The following ZMYM4 variants were observed in gnomAD, a reference collection of about 807,000 sequenced individuals.
ZMYM4 encodes the protein zinc finger MYM-type containing 4.
In ZMYM4, 31 loss-of-function variants were observed where a neutral mutation model predicts 183.2. That is an observed-to-expected ratio of 0.17 (90% confidence interval 0.13 to 0.23). The LOEUF (loss-of-function observed/expected upper bound fraction) is 0.23, where lower values mean the gene tolerates loss of function less well. ZMYM4 is among the 10% of genes least tolerant of loss of function. ZMYM4 has a pLI of 1.00. For synonymous variants in ZMYM4, 592 were observed against 631.2 expected, an observed-to-expected ratio of 0.94 and a Z score of 0.93; for missense variants, 1,273 against 1,840.3, an observed-to-expected ratio of 0.69 and a Z score of 5.64.
intron 2 of ZMYM4, chr1:35,350,902 G>T (rs1429611934): frequency 1.6e-6 from 1 of 629,782 alleles, no homozygotes; most frequent in Non-Finnish European, 2.9e-6. Flanking sequence ...GATATCATTT[G>T]TCAGATTGCT....
chr1:35,348,175 G>A (rs1404842086), intron 2 of ZMYM4, among the ~76,000 whole-genome samples: 1 of 152,158 alleles, frequency 6.6e-6, no homozygotes, highest in Non-Finnish European at 1.5e-5. Context: ...AAGCCTTAGT[G>A]CGTAAGTTGA....
intron 1 of ZMYM4, chr1:35,309,099 A>ACTAAATATG: frequency 1.1e-6 from 1 of 939,498 alleles, no homozygotes; most frequent in Middle Eastern, 5.5e-4. Flanking sequence ...TGCCTTCCTG[A>ACTAAATATG]CTAAATATGG....
chr1:35,396,546 T>C lies in ZMYM4; in HGVS notation c.2912-6T>C. ...CTTTTTGTGATTTTGTTGTTGTTAC[T>C]GTTAGAAGACACTCCAAGTCAGCCC... On this transcript the variant is annotated splice_polypyrimidine_tract_variant and splice_region_variant and intron_variant, in intron 18 of 29. Transcript: ENST00000314607. The C allele has an allele frequency of 6.2e-7, 1 of 1,612,806 alleles. No homozygotes were observed. The highest frequency in any genetic ancestry group is 8.5e-7 in the Non-Finnish European group (1 of 1,179,446).
At chr1:35,282,853 G>C (rs944656553) in intron 1 of ZMYM4, among the ~76,000 whole-genome samples, 6 of 151,988 alleles carry the variant, frequency 3.9e-5, no homozygotes, top group African/African-American at 1.5e-4. Flanking sequence ...ACCATGCCCA[G>C]CCTGTGTTTA....
chr1:35,328,911 A>G (rs1642619413), intron 2 of ZMYM4, among the ~76,000 whole-genome samples: 1 of 152,130 alleles, frequency 6.6e-6, no homozygotes, highest in Admixed American at 6.5e-5. Context: ...ATCTCAGGGA[A>G]CTGTCTCAAA....
At chr1:35,407,156 G>A (rs957605945) in intron 25 of ZMYM4, among the ~76,000 whole-genome samples, 2 of 152,206 alleles carry the variant, frequency 1.3e-5, no homozygotes, top group South Asian at 2.1e-4. Flanking sequence ...ACAGCTGGTC[G>A]GGTGTAGTGG....
At chr1:35,298,016 G>C (rs561118729) in intron 1 of ZMYM4, among the ~76,000 whole-genome samples, 1 of 152,334 alleles carries the variant, frequency 6.6e-6, no homozygotes, top group South Asian at 2.1e-4. Context: ...TAACAGTAGA[G>C]GGAGCGGCCA....
intron 10 of ZMYM4, 91 bp downstream of exon 10, chr1:35,385,683 A>G: frequency 7.2e-7 from 1 of 1,391,590 alleles, no homozygotes; most frequent in Non-Finnish European, 9.6e-7. Flanking sequence ...TTGATTTTTA[A>G]GGCACATTTA....
At chr1:35,323,819 G>A (rs753682870) in intron 1 of ZMYM4, among the ~76,000 whole-genome samples, 2 of 151,924 alleles carry the variant, frequency 1.3e-5, no homozygotes, top group Non-Finnish European at 2.9e-5. Context: ...CTCCCAAAGT[G>A]CTGGGATTAC....
intron 2 of ZMYM4, among the ~76,000 whole-genome samples, chr1:35,340,354 G>A (rs976493465): frequency 3.3e-5 from 5 of 152,212 alleles, no homozygotes; most frequent in African/African-American, 7.2e-5. Flanking sequence ...GGACCCAGGC[G>A]TCAGAGGGAG....
intron 3 of ZMYM4, 23 bp from the exon 4 acceptor site, chr1:35,361,171 T>TC (rs1643928122): frequency 1.3e-6 from 2 of 1,554,460 alleles, no homozygotes; most frequent in African/African-American, 2.8e-5. Flanking sequence ...TGTGTTTGTT[T>TC]GTTTTTTTTT....
intron 23 of ZMYM4, among the ~76,000 whole-genome samples, chr1:35,402,188 A>G (rs908091452): frequency 2.0e-5 from 3 of 151,898 alleles, no homozygotes; most frequent in African/African-American, 7.3e-5. Context: ...GAGAGAATTG[A>G]CATTTTAGGA....
intron 1 of ZMYM4, among the ~76,000 whole-genome samples, chr1:35,279,593 CT>C (rs1055865654): frequency 6.6e-6 from 1 of 152,148 alleles, no homozygotes; most frequent in African/African-American, 2.4e-5. Flanking sequence ...TCGTTGTTTC[CT>C]TTTGCTTAAA....
Position 35,359,987 on chromosome 1 carries a change from A to G in ZMYM4, c.607+541A>G, listed in dbSNP as rs563055068. 5.9e-5 allele frequency among the ~76,000 whole-genome samples: 9 copies of G among 151,982 alleles called. No individual in the cohort carries two copies. The East Asian group carries it at 1.3e-3, about 23-fold the overall frequency. On this transcript the variant is annotated intron_variant, in intron 3 of 29. Transcript: ENST00000314607. ...TGAGCCTCTTTGCCCAGTGTACCCT[A>G]TACTTTAGCTTTAGTTAACATTCTT...
chr1:35,374,932 T>G (rs975996083), intron 7 of ZMYM4, among the ~76,000 whole-genome samples: 4 of 152,224 alleles, frequency 2.6e-5, no homozygotes, highest in Non-Finnish European at 5.9e-5. Flanking sequence ...CTTGATCTTA[T>G]GTAATTCAAT....
At chr1:35,396,728 T>C (rs1644815244) in intron 19 of ZMYM4, 58 bp downstream of exon 19, 1 of 1,547,414 alleles carries the variant, frequency 6.5e-7, no homozygotes. Context: ...CAATTAAAAC[T>C]GTATAGTTCT....
rs557483844 is a variant in ZMYM4 at position 35,314,520 on chromosome 1, A to G, written c.40-10840A>G. Among the ~76,000 whole-genome samples the G allele has an allele frequency of 3.2e-3, 483 of 151,158 alleles. 3 individuals are homozygous for G. Among genetic ancestry groups the G allele is most frequent in the African/African-American group, 0.011 (466 of 41,254 alleles). On this transcript the variant is annotated intron_variant, in intron 1 of 29. Coordinates refer to ENST00000314607, the MANE Select transcript of ZMYM4 (RefSeq NM_005095.3). ...GGCTGGTCTTGAACTCCTGACCTCA[A>G]GTGATCCACCTGCCTCAGCCTCCCA...
At chr1:35,309,452 A>G (rs1641692952) in intron 1 of ZMYM4, among the ~76,000 whole-genome samples, 1 of 152,226 alleles carries the variant, frequency 6.6e-6, no homozygotes, top group Non-Finnish European at 1.5e-5. Flanking sequence ...ATTGAGCAAT[A>G]AAGAATTTAG....
intron 11 of ZMYM4, 117 bp from the exon 12 acceptor site, chr1:35,386,886 G>T (rs1644590092): frequency 1.2e-5 from 14 of 1,129,134 alleles, no homozygotes; most frequent in Non-Finnish European, 1.6e-5. Context: ...CAGGAACATT[G>T]CCTGTTAACA....
Sources: gnomAD v4.1 joint callset for allele counts (sites outside exome capture counted in the v4.1 genomes callset) on GRCh38, gnomAD v4.1.1 for gene constraint, MANE v1.5 for transcripts, NCBI Gene and HGNC (gene_info 2026-07-23, HGNC 2026-07-21) for gene names.